B3GALT1: variants seen among roughly 807,000 people sequenced by gnomAD.
B3GALT1 encodes UDP-Gal:betaGlcNAc beta 1,3-galactosyltransferase, polypeptide 1.
A neutral mutation model predicts 23.2 loss-of-function variants in B3GALT1; 10 were observed. The ratio of observed to expected loss-of-function variants is 0.43; its 90% CI spans 0.27 to 0.73. The LOEUF (loss-of-function observed/expected upper bound fraction) is 0.73, where lower values mean the gene tolerates loss of function less well. Among genes scored for constraint, B3GALT1 ranks in the 30% least tolerant of loss-of-function variants. The probability of loss-of-function intolerance (pLI) is 0.21; values close to 1 mark genes in which losing one functional copy is unlikely to be tolerated. For missense variants in B3GALT1, 299 were observed against 405.4 expected (o/e 0.74, Z 2.25); for synonymous variants, 156 against 141.5 (o/e 1.10, Z -0.73).
At chr2:167,789,615 T>C (rs1466347948) in intron 3 of B3GALT1, among the ~76,000 whole-genome samples, 1 of 148,354 alleles carries the variant, frequency 6.7e-6, no homozygotes, top group African/African-American at 2.6e-5. Flanking sequence ...GTGTTCATTA[T>C]TGAGGTAATA....
intron 1 of B3GALT1, among the ~76,000 whole-genome samples, chr2:167,331,036 A>G (rs1410278481): frequency 6.6e-6 from 1 of 152,024 alleles, no homozygotes; most frequent in South Asian, 2.1e-4. Context: ...TGTTGAGTGT[A>G]GCACTTGGGC....
At chr2:167,548,679 T>TGA (rs1406701551) in intron 2 of B3GALT1, among the ~76,000 whole-genome samples, 2 of 121,746 alleles carry the variant, frequency 1.6e-5, no homozygotes, top group African/African-American at 4.1e-5. Context: ...TCCAGACGTG[T>TGA]GTGTGAGTGT....
intron 3 of B3GALT1, among the ~76,000 whole-genome samples, chr2:167,768,392 T>C (rs556227122): frequency 6.6e-6 from 1 of 152,322 alleles, no homozygotes; most frequent in East Asian, 1.9e-4. Flanking sequence ...CTTCCTTTCT[T>C]TTTTCTTTAA....
chr2:167,345,934 C>T (rs1697217252), intron 1 of B3GALT1, among the ~76,000 whole-genome samples: 1 of 151,984 alleles, frequency 6.6e-6, no homozygotes, highest in Admixed American at 6.6e-5. Flanking sequence ...TGTCCATTTT[C>T]ACTGAGGTAG....
At chr2:167,446,192 C>T (rs757487958) in intron 1 of B3GALT1, among the ~76,000 whole-genome samples, 39 of 152,140 alleles carry the variant, frequency 2.6e-4, no homozygotes, top group Admixed American at 8.5e-4. Flanking sequence ...AATATTGGCC[C>T]CCACTTTCTT....
intron 2 of B3GALT1, among the ~76,000 whole-genome samples, chr2:167,603,096 T>A (rs1684903262): frequency 6.6e-6 from 1 of 152,150 alleles, no homozygotes; most frequent in Admixed American, 6.6e-5. Flanking sequence ...ACAAGTGTAG[T>A]TTCCAGCATA....
At chr2:167,387,754 C>T (rs920510695) in intron 1 of B3GALT1, among the ~76,000 whole-genome samples, 2 of 152,018 alleles carry the variant, frequency 1.3e-5, no homozygotes, top group Admixed American at 6.6e-5. Flanking sequence ...ATACTGTGGT[C>T]ATATTTTGTT....
At chr2:167,357,252 T>C (rs1697430642) in intron 1 of B3GALT1, among the ~76,000 whole-genome samples, 1 of 152,082 alleles carries the variant, frequency 6.6e-6, no homozygotes, top group Non-Finnish European at 1.5e-5. Flanking sequence ...TAACTTACAT[T>C]TCTCTTATAG....
At chr2:167,754,217 C>T (rs779568035) in intron 3 of B3GALT1, among the ~76,000 whole-genome samples, 1 of 152,152 alleles carries the variant, frequency 6.6e-6, no homozygotes, top group Admixed American at 6.5e-5. Context: ...CCTAGTACTT[C>T]GACTTACAAA....
At chr2:167,760,584 G>A (rs756183845) in intron 3 of B3GALT1, among the ~76,000 whole-genome samples, 24 of 152,298 alleles carry the variant, frequency 1.6e-4, no homozygotes, top group African/African-American at 4.3e-4. Context: ...CACAGTCACC[G>A]TCTTAGTCTG....
chr2:167,688,774 C>T (rs1216305675), intron 3 of B3GALT1, among the ~76,000 whole-genome samples: 3 of 152,018 alleles, frequency 2.0e-5, no homozygotes, highest in African/African-American at 4.8e-5. Flanking sequence ...CCAAATTTGA[C>T]CCAAAACCCC....
At chr2:167,335,356 G>C (rs1274431699) in intron 1 of B3GALT1, among the ~76,000 whole-genome samples, 9 of 152,122 alleles carry the variant, frequency 5.9e-5, no homozygotes, top group Non-Finnish European at 1.5e-5. Context: ...TAGAAGTACG[G>C]AGTCCTTCTT....
At chr2:167,451,542 T>C (rs1270923459) in intron 1 of B3GALT1, among the ~76,000 whole-genome samples, 1 of 152,152 alleles carries the variant, frequency 6.6e-6, no homozygotes, top group Non-Finnish European at 1.5e-5. Context: ...TCCTGTGCTG[T>C]GAACCATCTG....
intron 1 of B3GALT1, among the ~76,000 whole-genome samples, chr2:167,340,524 A>G (rs915094342): frequency 6.6e-6 from 1 of 152,156 alleles, no homozygotes; most frequent in African/African-American, 2.4e-5. Flanking sequence ...ATTGCTGAGG[A>G]GACAAATATT....
intron 2 of B3GALT1, among the ~76,000 whole-genome samples, chr2:167,557,341 T>C (rs1431152940): frequency 6.6e-6 from 1 of 152,194 alleles, no homozygotes; most frequent in Non-Finnish European, 1.5e-5. Context: ...ATTTTTACCT[T>C]CTCAACTAAA....
At chr2:167,581,599 C>T (rs1025613901) in intron 2 of B3GALT1, among the ~76,000 whole-genome samples, 2 of 152,158 alleles carry the variant, frequency 1.3e-5, no homozygotes, top group African/African-American at 4.8e-5. Context: ...TTTCTGATTC[C>T]AGCTCTGACA....
intron 1 of B3GALT1, among the ~76,000 whole-genome samples, chr2:167,337,877 A>G (rs1387667546): frequency 4.6e-5 from 7 of 152,158 alleles, no homozygotes; most frequent in Admixed American, 4.6e-4. Flanking sequence ...AATCAATATT[A>G]TTACTCATAT....
intron 1 of B3GALT1, among the ~76,000 whole-genome samples, chr2:167,396,052 G>T (rs980430967): frequency 2.0e-5 from 3 of 152,048 alleles, no homozygotes; most frequent in Non-Finnish European, 2.9e-5. Context: ...TCTTCTGAAG[G>T]TTAAATGAAG....
At chr2:167,740,118 A>ATAAATAAT (rs1687557219) in intron 3 of B3GALT1, among the ~76,000 whole-genome samples, 1 of 150,522 alleles carries the variant, frequency 6.6e-6, no homozygotes, top group African/African-American at 2.4e-5. Flanking sequence ...AAATAAATAA[A>ATAAATAAT]TAAATAAATA....
Sources: gnomAD v4.1 joint callset for allele counts (sites outside exome capture counted in the v4.1 genomes callset) on GRCh38, gnomAD v4.1.1 for gene constraint, MANE v1.5 for transcripts, NCBI Gene and HGNC (gene_info 2026-07-23, HGNC 2026-07-21) for gene names.